The following SYNE1 variants were observed in gnomAD, a reference collection of about 807,000 sequenced individuals.
SYNE1 encodes nesprin-1.
Under a neutral mutation model 1,111.0 loss-of-function variants are expected in SYNE1, and 616 were observed. The ratio of observed to expected loss-of-function variants is 0.55; its 90% CI spans 0.52 to 0.59. SYNE1 has a LOEUF of 0.59. Among genes scored for constraint, SYNE1 ranks in the 20% least tolerant of loss-of-function variants. The pLI is 0.00. For missense variants in SYNE1, 10,006 were observed against 10,417.0 expected, an observed-to-expected ratio of 0.96 and a Z score of 1.72; for synonymous variants, 3,855 against 3,825.8, an observed-to-expected ratio of 1.01 and a Z score of -0.28.
At chr6:152,600,899 A>T (rs1454396312) in intron 3 of SYNE1, among the ~76,000 whole-genome samples, 2 of 151,936 alleles carry the variant, frequency 1.3e-5, no homozygotes. Context: ...GGTAAAAATG[A>T]TATTTTAGTA....
rs1564735123 is a variant in SYNE1 at position 152,540,020 on chromosome 6, A to T, written c.69T>A (p.Asp23Glu). Residue 23 changes from aspartate to glutamate, a missense_variant and splice_region_variant, in exon 4 of 146, where the codon GAT (aspartate) becomes GAA (glutamate). Asp to Glu is a conservative substitution (Grantham distance 45). Around this residue, in one of 7 missense-constraint regions of SYNE1, gnomAD observed 1,971 missense variants for 2,084.1 expected, o/e 0.95. Coordinates refer to ENST00000367255, the MANE Select transcript of SYNE1 (RefSeq NM_182961.4). ...TTCGTTTTTGTACTATCTCTTGCTC[A>T]TCTAGAAGGAAAAAGAAATCTGGTT... ...DIANVMQRLQ[D>E]EQEIVQKRTF... is the part of the protein sequence containing the mutation. The T allele has an allele frequency of 3.1e-6, 5 of 1,613,760 alleles. No individual in the cohort carries two copies. The highest frequency in any genetic ancestry group is 2.7e-5 in the African/African-American group (2 of 75,026).
chr6:152,121,846 TTA>T lies in SYNE1; in HGVS notation c.*588_*589del, dbSNP rs1445749175. 1.3e-5 allele frequency: 2 copies of T among 154,382 alleles called. No homozygotes were observed. Among genetic ancestry groups the T allele is most frequent in the African/African-American group, 4.8e-5 (2 of 41,460 alleles). The allele number at this position is 154,382 out of a possible 1,614,324, so 9.6% of individuals were successfully genotyped here. On this transcript the variant is annotated 3_prime_UTR_variant, in exon 146 of 146. Coordinates refer to ENST00000367255, the MANE Select transcript of SYNE1 (RefSeq NM_182961.4). Reference sequence around the variant, plus strand: ...CTTATTTATTACATCTAGTTTTTCTTTATACCTCTAAAAAAAAGTGCCTTTTA... The same window carrying T: ...CTTATTTATTACATCTAGTTTTTCTTTACCTCTAAAAAAAAGTGCCTTTTA...
chr6:152,378,272 G>A (rs2097332223), intron 56 of SYNE1, among the ~76,000 whole-genome samples: 1 of 152,172 alleles, frequency 6.6e-6, no homozygotes, highest in Non-Finnish European at 1.5e-5. Flanking sequence ...TAGCTTTGCT[G>A]TGACCATTAT....
rs2097625421 is a variant in SYNE1, at chr6:152,391,409, C to G, written c.7872G>C (p.Gln2624His). 6.2e-7 allele frequency: 1 copy of G among 1,613,848 alleles called. No homozygotes were observed. Among genetic ancestry groups the G allele is most frequent in the African/African-American group, 1.3e-5 (1 of 74,884 alleles). ...EKLRSCQVAL[Q>H]EHEALEEALQ... ...GTGCTTCCTCCAGGGCTTCGTGCTC[C>G]TGAAGGGCCACCTGGCAGCTCCGGA... Residue 2624 changes from glutamine (Q) to histidine (H), a missense_variant, in exon 52 of 146, where the codon CAG becomes CAC. By Grantham distance (24) the Gln-to-His change is conservative. Around this residue, in one of 7 missense-constraint regions of SYNE1, gnomAD observed 4,955 missense variants for 5,017.2 expected, o/e 0.99. Coordinates refer to ENST00000367255, the MANE Select transcript of SYNE1 (RefSeq NM_182961.4).
chr6:152,615,991 T>C (rs989568300), intron 3 of SYNE1, among the ~76,000 whole-genome samples: 6 of 152,214 alleles, frequency 3.9e-5, no homozygotes, highest in Non-Finnish European at 8.8e-5. Flanking sequence ...GACATATAAT[T>C]AGCATGAATG....
intron 14 of SYNE1, among the ~76,000 whole-genome samples, chr6:152,481,768 G>A (rs2098902455): frequency 6.6e-6 from 1 of 150,704 alleles, no homozygotes; most frequent in Non-Finnish European, 1.5e-5. Flanking sequence ...TCAATCCCAG[G>A]AAAATTCTTG....
chr6:152,589,541 A>G (rs913057963), intron 3 of SYNE1, among the ~76,000 whole-genome samples: 17 of 152,168 alleles, frequency 1.1e-4, no homozygotes, highest in African/African-American at 4.1e-4. Flanking sequence ...AAAGGTACAA[A>G]AATAGAACCA....
intron 87 of SYNE1, among the ~76,000 whole-genome samples, chr6:152,313,417 G>GAC (rs2095611523): frequency 6.6e-6 from 1 of 151,494 alleles, no homozygotes; most frequent in African/African-American, 2.4e-5. Flanking sequence ...AAGTCACTCT[G>GAC]GTTCTCACAT....
intron 113 of SYNE1, 122 bp from the exon 114 acceptor site, chr6:152,231,689 C>A: frequency 9.8e-7 from 1 of 1,025,276 alleles, no homozygotes; most frequent in Middle Eastern, 2.8e-4. Flanking sequence ...GCTGAAATGG[C>A]ACAATTTGTC....
At chr6:152,479,327 A>C (rs376261327) in intron 14 of SYNE1, among the ~76,000 whole-genome samples, 52 of 152,334 alleles carry the variant, frequency 3.4e-4, no homozygotes, top group East Asian at 1.3e-3. Flanking sequence ...TGACCTAGGT[A>C]GGGTTGGTAA....
In SYNE1 at chr6:152,473,991, C is replaced by T. The variant is rs568849046; in HGVS notation, c.1351-1578G>A. ...ACGAGGTCAGGAGTTCGAGATCAGCCTGGCCAACATGGTGAAACCCCGTCT... is the reference window on the plus strand; with the variant it reads ...ACGAGGTCAGGAGTTCGAGATCAGCTTGGCCAACATGGTGAAACCCCGTCT... On this transcript the variant is annotated intron_variant, in intron 14 of 145. Coordinates refer to ENST00000367255, the MANE Select transcript of SYNE1 (RefSeq NM_182961.4). 2.6e-5 allele frequency among the ~76,000 whole-genome samples: 4 copies of T among 152,198 alleles called. No individual in the cohort carries two copies. The South Asian group carries it at 8.3e-4, about 32-fold the overall frequency.
intron 135 of SYNE1, among the ~76,000 whole-genome samples, chr6:152,150,943 G>A (rs1306520570): frequency 6.6e-6 from 1 of 152,112 alleles, no homozygotes. Flanking sequence ...CAGGAAGGGT[G>A]GCTCACACCT....
At chr6:152,221,303 A>T in intron 118 of SYNE1, 123 bp downstream of exon 118, 7 of 1,293,528 alleles carry the variant, frequency 5.4e-6, no homozygotes, top group South Asian at 5.3e-5. Flanking sequence ...TCATGTTGTG[A>T]AAGAGAAGTT....
chr6:152,388,253 C>CT (rs71556256), intron 53 of SYNE1, among the ~76,000 whole-genome samples: 3,492 of 144,344 alleles, frequency 0.024, 117 homozygotes, highest in African/African-American at 0.074. Context: ...CACCCCCCGC[C>CT]TTTTTTTTTT....
chr6:152,574,654 T>G (rs2099489303), intron 3 of SYNE1, among the ~76,000 whole-genome samples: 1 of 152,208 alleles, frequency 6.6e-6, no homozygotes, highest in Non-Finnish European at 1.5e-5. Context: ...CGTAGTTGTT[T>G]CTCAACCATG....
At chr6:152,369,296 A>C in intron 60 of SYNE1, 169 bp from the exon 61 acceptor site, 1 of 1,348,710 alleles carries the variant, frequency 7.4e-7, no homozygotes, top group Non-Finnish European at 1.0e-6. Context: ...GAAGGAAACA[A>C]ATCATACTTC....
intron 3 of SYNE1, among the ~76,000 whole-genome samples, chr6:152,591,149 T>C (rs943121881): frequency 6.6e-6 from 1 of 152,220 alleles, no homozygotes; most frequent in African/African-American, 2.4e-5. Flanking sequence ...TTTGTGGCTA[T>C]TGTGAGTGGG....
chr6:152,242,176 A>G, intron 107 of SYNE1, 64 bp downstream of exon 107: 1 of 1,380,752 alleles, frequency 7.2e-7, no homozygotes, highest in Non-Finnish European at 1.0e-6. Context: ...CTAAATATAT[A>G]TCAGGGTTTG....
intron 91 of SYNE1, among the ~76,000 whole-genome samples, chr6:152,304,620 G>A (rs563493836): frequency 3.3e-5 from 5 of 152,196 alleles, no homozygotes; most frequent in East Asian, 1.9e-4. Context: ...CACCATGCCC[G>A]GCAATTTGAG....
Sources: gnomAD v4.1 joint callset for allele counts (sites outside exome capture counted in the v4.1 genomes callset) on GRCh38, gnomAD v4.1.1 for gene constraint, gnomAD v4.1.1 regional missense constraint, MANE v1.5 for transcripts, NCBI Gene and HGNC (gene_info 2026-07-23, HGNC 2026-07-21) for gene names.